Variants in IKZF2 observed in about 807,000 individuals in gnomAD.
IKZF2 encodes the protein zinc finger protein Helios.
A neutral mutation model predicts 49.2 loss-of-function variants in IKZF2; 15 were observed. The ratio of observed to expected loss-of-function variants is 0.30; its 90% confidence interval spans 0.20 to 0.47. The LOEUF (loss-of-function observed/expected upper bound fraction) is 0.47. Ranked by LOEUF, IKZF2 falls within the 20% of genes least tolerant of loss-of-function variation. IKZF2 has a pLI of 1.00. For missense variants in IKZF2, 567 were observed against 664.6 expected (o/e 0.85, Z 1.61); for synonymous variants, 227 against 221.4 (o/e 1.03, Z -0.23).
intron 4 of IKZF2, among the ~76,000 whole-genome samples, chr2:213,145,994 A>G (rs1165745630): frequency 6.6e-6 from 1 of 152,088 alleles, no homozygotes; most frequent in African/African-American, 2.4e-5. Context: ...TGAAGCAAGT[A>G]CTTGCAAAAC....
chr2:213,061,304 T>TA (rs1050333758), intron 4 of IKZF2, among the ~76,000 whole-genome samples: 1 of 151,294 alleles, frequency 6.6e-6, no homozygotes. Context: ...ACTAATATGA[T>TA]AATAAAAGGA....
At chr2:213,078,020 C>A (rs985935090) in intron 4 of IKZF2, among the ~76,000 whole-genome samples, 54 of 152,042 alleles carry the variant, frequency 3.6e-4, no homozygotes, top group African/African-American at 1.3e-3. Flanking sequence ...ATTGCATATT[C>A]CTTTCCGTCT....
chr2:213,137,820 T>A (rs983618583), intron 4 of IKZF2, among the ~76,000 whole-genome samples: 1 of 152,062 alleles, frequency 6.6e-6, no homozygotes, highest in Non-Finnish European at 1.5e-5. Context: ...TATTTAGAAC[T>A]CAACCAGAAA....
chr2:213,022,336 G>C (rs1697318976), intron 6 of IKZF2, among the ~76,000 whole-genome samples: 1 of 152,088 alleles, frequency 6.6e-6, no homozygotes, highest in Non-Finnish European at 1.5e-5. Flanking sequence ...CGTACCTCTG[G>C]CAACAGGGGA....
At chr2:213,113,677 T>G (rs1016515657) in intron 4 of IKZF2, among the ~76,000 whole-genome samples, 4 of 152,200 alleles carry the variant, frequency 2.6e-5, no homozygotes, top group African/African-American at 9.6e-5. Flanking sequence ...TTGCTTGGTT[T>G]TTTTCCCCTT....
chr2:213,118,937 A>G (rs946632976), intron 4 of IKZF2, among the ~76,000 whole-genome samples: 1 of 152,210 alleles, frequency 6.6e-6, no homozygotes, highest in Non-Finnish European at 1.5e-5. Context: ...AGACATCTCT[A>G]TTAAAGCATT....
chr2:213,068,763 T>C (rs1461970192), intron 4 of IKZF2, among the ~76,000 whole-genome samples: 2 of 152,038 alleles, frequency 1.3e-5, no homozygotes, highest in Non-Finnish European at 2.9e-5. Context: ...CATAGTAATA[T>C]ACTGGAAACC....
intron 4 of IKZF2, among the ~76,000 whole-genome samples, chr2:213,096,326 T>C (rs1705988501): frequency 6.6e-6 from 1 of 151,986 alleles, no homozygotes; most frequent in South Asian, 2.1e-4. Context: ...TTTCTGATTA[T>C]GAAAGTAACA....
At chr2:213,039,452 G>A (rs1285249721) in intron 6 of IKZF2, among the ~76,000 whole-genome samples, 2 of 151,946 alleles carry the variant, frequency 1.3e-5, no homozygotes, top group African/African-American at 4.8e-5. Context: ...TCCTTTTTAT[G>A]GAACAGAATA....
intron 4 of IKZF2, among the ~76,000 whole-genome samples, chr2:213,127,166 T>C (rs965473317): frequency 5.3e-5 from 8 of 152,210 alleles, no homozygotes; most frequent in African/African-American, 1.9e-4. Flanking sequence ...TGGTGGAATT[T>C]TCTTATTATT....
chr2:213,024,658 C>A (rs1284117996), intron 6 of IKZF2, among the ~76,000 whole-genome samples: 1 of 151,940 alleles, frequency 6.6e-6, no homozygotes. Context: ...ATTTCTGAGA[C>A]CTGTAGTCAT....
chr2:213,124,123 G>A (rs1171598321), intron 4 of IKZF2, among the ~76,000 whole-genome samples: 3 of 147,262 alleles, frequency 2.0e-5, no homozygotes, highest in Non-Finnish European at 4.6e-5. Flanking sequence ...TTCTTGCTTT[G>A]TTAAGGAAGT....
intron 4 of IKZF2, among the ~76,000 whole-genome samples, chr2:213,127,579 G>A (rs2060308144): frequency 6.6e-6 from 1 of 152,154 alleles, no homozygotes; most frequent in Non-Finnish European, 1.5e-5. Context: ...TCCAGCTGTA[G>A]TAGTATAGAT....
At chr2:213,097,673 T>C (rs1706175981) in intron 4 of IKZF2, among the ~76,000 whole-genome samples, 1 of 152,144 alleles carries the variant, frequency 6.6e-6, no homozygotes, top group Admixed American at 6.6e-5. Flanking sequence ...TTGTGACTCC[T>C]ATATTACGGG....
At chr2:213,084,085 C>T (rs1704290603) in intron 4 of IKZF2, among the ~76,000 whole-genome samples, 1 of 152,028 alleles carries the variant, frequency 6.6e-6, no homozygotes, top group South Asian at 2.1e-4. Flanking sequence ...TTTAAATACC[C>T]AAACTGACAC....
At chr2:213,080,246 T>C (rs2125561742) in intron 4 of IKZF2, among the ~76,000 whole-genome samples, 1 of 142,450 alleles carries the variant, frequency 7.0e-6, no homozygotes, top group African/African-American at 2.5e-5. Context: ...TGTGATAATA[T>C]GGAAAGGGAG....
At chr2:213,030,812 CTTTTTTTT>C (rs918257825) in intron 6 of IKZF2, among the ~76,000 whole-genome samples, 1 of 133,708 alleles carries the variant, frequency 7.5e-6, no homozygotes, top group Non-Finnish European at 1.6e-5. Flanking sequence ...TACTATTTTT[CTTTTTTTT>C]TTTTTTTTGT....
intron 4 of IKZF2, among the ~76,000 whole-genome samples, chr2:213,138,231 A>C (rs2060745443): frequency 6.6e-6 from 1 of 152,208 alleles, no homozygotes; most frequent in Non-Finnish European, 1.5e-5. Context: ...AGTAGTAATG[A>C]AGATGATGAT....
intron 4 of IKZF2, among the ~76,000 whole-genome samples, chr2:213,085,118 T>G (rs1240303245): frequency 6.6e-6 from 1 of 152,200 alleles, no homozygotes; most frequent in East Asian, 1.9e-4. Context: ...CAGAATCAAG[T>G]TGAATTCTTC....
Sources: allele counts gnomAD v4.1 joint callset (sites outside exome capture counted in the v4.1 genomes callset), GRCh38; gene constraint gnomAD v4.1.1; transcripts MANE v1.5; gene names NCBI Gene and HGNC (gene_info 2026-07-23, HGNC 2026-07-21).